Variants in SLC30A8 observed in about 807,000 individuals in gnomAD.
SLC30A8 encodes the protein proton-coupled zinc antiporter SLC30A8.
Under a neutral mutation model 36.9 loss-of-function variants are expected in SLC30A8, and 27 were observed. The observed-to-expected ratio is 0.73, with a 90% CI of 0.54 to 1.01. The LOEUF is 1.01. SLC30A8 is among the 50% of genes least tolerant of loss of function. The pLI is 0.00. For synonymous variants in SLC30A8, 164 were observed against 172.4 expected (o/e 0.95, Z 0.38); for missense variants, 439 against 452.0 (o/e 0.97, Z 0.26).
intron 1 of SLC30A8, among the ~76,000 whole-genome samples, chr8:117,143,531 T>C (rs998261155): frequency 6.6e-6 from 1 of 152,184 alleles, no homozygotes; most frequent in Non-Finnish European, 1.5e-5. Flanking sequence ...CTGTTCTGCA[T>C]CTAGAGATAC....
intron 1 of SLC30A8, among the ~76,000 whole-genome samples, chr8:117,025,018 T>G (rs896903108): frequency 2.0e-5 from 3 of 152,196 alleles, no homozygotes; most frequent in Non-Finnish European, 4.4e-5. Flanking sequence ...CATAGGAGGA[T>G]AAGATTTGTA....
exon 1 of SLC30A8, chr8:116,951,073 G>A (rs150769699): frequency 6.6e-6 from 1 of 152,292 alleles, no homozygotes; most frequent in African/African-American, 2.4e-5. Context: ...TGCAGTGTTG[G>A]GAATCTGAAG....
intron 2 of SLC30A8, among the ~76,000 whole-genome samples, chr8:117,125,428 G>C (rs1283181876): frequency 6.6e-6 from 1 of 151,970 alleles, no homozygotes. Flanking sequence ...GCACTAACAT[G>C]TTAGGACTGT....
At chr8:116,973,964 GCTGGGAAAA>G (rs1267306434) in intron 1 of SLC30A8, among the ~76,000 whole-genome samples, 1 of 152,182 alleles carries the variant, frequency 6.6e-6, no homozygotes, top group East Asian at 1.9e-4. Flanking sequence ...AATAAATGGT[GCTGGGAAAA>G]CTGGCTAGCC....
intron 1 of SLC30A8, among the ~76,000 whole-genome samples, chr8:117,020,107 A>G (rs987233290): frequency 6.6e-6 from 1 of 152,218 alleles, no homozygotes; most frequent in African/African-American, 2.4e-5. Flanking sequence ...CTCTGTTGAA[A>G]GGGGAGGATT....
chr8:116,975,213 A>G (rs1183346219), intron 1 of SLC30A8, among the ~76,000 whole-genome samples: 1 of 152,164 alleles, frequency 6.6e-6, no homozygotes, highest in Non-Finnish European at 1.5e-5. Flanking sequence ...TCTTTTCCTT[A>G]TGGATAGGGA....
intron 1 of SLC30A8, among the ~76,000 whole-genome samples, chr8:116,962,293 C>G (rs1219326723): frequency 1.3e-5 from 2 of 151,956 alleles, no homozygotes; most frequent in African/African-American, 4.8e-5. Flanking sequence ...AGAGCAGTAA[C>G]TAACAATAAG....
Position 117,135,332 on chromosome 8 carries a change from A to G in SLC30A8, c.5A>G (p.Glu2Gly), listed in dbSNP as rs370648372. 5.1e-5 allele frequency: 82 copies of G among 1,592,720 alleles called. No homozygotes were observed. Among genetic ancestry groups the G allele is most frequent in the Non-Finnish European group, 5.8e-5 (68 of 1,167,208 alleles). Residue 2 changes from glutamate (E) to glycine (G), a missense_variant, in exon 1 of 8, where the codon GAG (glutamate) becomes GGG (glycine). Transcript: ENST00000456015. ...CCGCAGCTCATCCTGGCCGTCATGG[A>G]GTTTCTTGAAAGAACGTATCTTGTG... MEFLERTYLVND... is the reference protein window; with the variant it reads MGFLERTYLVND...
In SLC30A8 at chr8:117,150,699, G is replaced by A. The variant is rs527669295; in HGVS notation, c.272-2245G>A. Among the ~76,000 whole-genome samples, 357 of 152,088 alleles carry A rather than the reference G, an allele frequency of 2.3e-3. 2 individuals carry two copies. Among genetic ancestry groups the A allele is most frequent in the African/African-American group, 8.1e-3 (334 of 41,462 alleles). The stretch of plus-strand genomic sequence containing the variant: ...TGGCTCACTGCAAGCTCCGCCTCCC[G>A]GGTTCACGCCATTCTCCTGCCTCAG... On this transcript the variant is annotated intron_variant, in intron 2 of 7. Transcript: ENST00000456015.
chr8:117,024,730 G>A lies in SLC30A8; in HGVS notation c.-265-14489G>A, dbSNP rs924403797. ...TTTTGGTGATAAACAAAGGTGCAGA[G>A]CAACATTCCATAAATATTTATGTTC... On this transcript the variant is annotated intron_variant, in intron 1 of 10. Transcript: ENST00000427715. Among the ~76,000 whole-genome samples, 11 of 152,290 alleles carry A rather than the reference G, an allele frequency of 7.2e-5. No homozygotes were observed. The East Asian group carries it at 2.1e-3, about 29-fold the overall frequency.
At position 117,153,723 on chromosome 8, in the gene SLC30A8, G is replaced by GGTGTGTGTGTGT. The variant is rs59464276; in HGVS notation, c.418+654_418+665dup. 3.4e-3 allele frequency among the ~76,000 whole-genome samples: 494 copies of GGTGTGTGTGTGT among 146,998 alleles called. 4 individuals are homozygous for GGTGTGTGTGTGT. Among genetic ancestry groups the GGTGTGTGTGTGT allele is most frequent in the African/African-American group, 8.0e-3 (320 of 40,080 alleles). ...GGCAGTAGCCAAGGTCATGATAAGG[G>GGTGTGTGTGTGT]GTGTGTGTGTGTGTGTGTGTGTGTG... is the stretch of plus-strand genomic sequence containing the variant. On this transcript the variant is annotated intron_variant, in intron 3 of 7. Coordinates refer to ENST00000456015, the MANE Select transcript of SLC30A8 (RefSeq NM_173851.3).
intron 2 of SLC30A8, among the ~76,000 whole-genome samples, chr8:117,147,828 A>G (rs776901503): frequency 6.6e-6 from 1 of 152,142 alleles, no homozygotes; most frequent in Non-Finnish European, 1.5e-5. Flanking sequence ...TACTGTATAG[A>G]TGAATGTTTT....
At chr8:117,080,969 TGTGAC>T (rs1818658756) in intron 2 of SLC30A8, among the ~76,000 whole-genome samples, 1 of 152,226 alleles carries the variant, frequency 6.6e-6, no homozygotes, top group African/African-American at 2.4e-5. Context: ...TGGTCTGTTT[TGTGAC>T]AAAAATATCT....
intron 2 of SLC30A8, among the ~76,000 whole-genome samples, chr8:117,074,522 G>A (rs1446826289): frequency 1.3e-5 from 2 of 152,036 alleles, no homozygotes; most frequent in Admixed American, 1.3e-4. Flanking sequence ...GTTATTTCAG[G>A]GGGCATTGAT....
intron 2 of SLC30A8, among the ~76,000 whole-genome samples, chr8:117,150,723 A>G (rs1199362646): frequency 6.6e-6 from 1 of 151,976 alleles, no homozygotes; most frequent in African/African-American, 2.4e-5. Context: ...CTCCTGCCTC[A>G]GCCTCCCGAG....
intron 2 of SLC30A8, 95 bp from the exon 3 acceptor site, chr8:117,152,849 G>A: frequency 9.8e-7 from 1 of 1,021,842 alleles, no homozygotes; most frequent in Non-Finnish European, 1.3e-6. Context: ...AAAGTTTTGT[G>A]AGTCTGTGGC....
intron 2 of SLC30A8, among the ~76,000 whole-genome samples, chr8:117,061,907 A>G (rs1354466952): frequency 6.6e-6 from 1 of 152,252 alleles, no homozygotes. Flanking sequence ...TGGACCAGAA[A>G]GAACAGCTGA....
intron 1 of SLC30A8, among the ~76,000 whole-genome samples, chr8:117,146,032 A>G (rs1298883096): frequency 6.6e-6 from 1 of 152,128 alleles, no homozygotes; most frequent in Non-Finnish European, 1.5e-5. Context: ...TTGAGAGAAG[A>G]AAAAGATCTG....
chr8:117,016,058 A>G (rs11781136), intron 1 of SLC30A8, among the ~76,000 whole-genome samples: 17,778 of 152,150 alleles, frequency 0.12, 1,196 homozygotes, highest in East Asian at 0.18. Flanking sequence ...AAGGGGGATA[A>G]TACCGGGCAT....
Sources: gnomAD v4.1 joint callset for allele counts (sites outside exome capture counted in the v4.1 genomes callset) on GRCh38, gnomAD v4.1.1 for gene constraint, MANE v1.5 for transcripts, NCBI Gene and HGNC (gene_info 2026-07-23, HGNC 2026-07-21) for gene names.